The following RAB11FIP3 variants were observed in gnomAD, a reference collection of about 807,000 sequenced individuals.
RAB11FIP3 encodes the protein RAB11 family interacting protein 3, also known as rab11 family-interacting protein 3.
In RAB11FIP3, 17 loss-of-function variants were observed where a neutral mutation model predicts 77.8. That is an observed-to-expected ratio of 0.22 (90% CI 0.15 to 0.33). RAB11FIP3 has a LOEUF of 0.33. Ranked by LOEUF, RAB11FIP3 falls within the 10% of genes least tolerant of loss-of-function variation. The probability of loss-of-function intolerance (pLI) is 1.00; values close to 1 mark genes in which losing one functional copy is unlikely to be tolerated. For synonymous variants in RAB11FIP3, 437 were observed against 448.2 expected, an observed-to-expected ratio of 0.98 and a Z score of 0.31; for missense variants, 1,005 against 1,011.2, an observed-to-expected ratio of 0.99 and a Z score of 0.08.
At chr16:495,258 G>A (rs547204936) in intron 5 of RAB11FIP3, among the ~76,000 whole-genome samples, 3 of 152,130 alleles carry the variant, frequency 2.0e-5, no homozygotes, top group Admixed American at 1.3e-4. Context: ...CACAGGAGCA[G>A]CCGCCACCCA....
chr16:519,106 T>C, intron 10 of RAB11FIP3, 82 bp downstream of exon 10: 8 of 1,434,744 alleles, frequency 5.6e-6, no homozygotes, highest in Non-Finnish European at 7.8e-6. Flanking sequence ...AGCCCTGAGC[T>C]CTGTGCTGAG....
In RAB11FIP3 at chr16:426,086, C is replaced by T. The variant is rs554293301; in HGVS notation, c.80C>T (p.Pro27Leu). The T allele has an allele frequency of 2.0e-6, 2 of 1,003,204 alleles. No individual in the cohort carries two copies. The highest frequency in any genetic ancestry group is 1.2e-6 in the Non-Finnish European group (1 of 843,386). The allele number at this position is 1,003,204 out of a possible 1,614,324, so 62.1% of individuals were successfully genotyped here. A position where few individuals can be genotyped will look rare whatever the true frequency, so the allele number is the denominator to read the frequency against. ...CCGGAGCCGGGCGGGCCGGACGGGCCGGGGGCGGCACAACTGGCTCCGGGC... is the reference window on the plus strand; with the variant it reads ...CCGGAGCCGGGCGGGCCGGACGGGCTGGGGGCGGCACAACTGGCTCCGGGC... ...PDPEPGGPDG[P>L]GAAQLAPGPA... Residue 27 changes from proline to leucine, a missense_variant, in exon 1 of 14, where the codon CCG (proline) becomes CTG (leucine). Transcript: ENST00000262305. This position sits in a 1 kb window ranked among gnomAD's most constrained non-coding sequence, Gnocchi z 5.0.
intron 1 of RAB11FIP3, among the ~76,000 whole-genome samples, chr16:436,003 G>C (rs937873635): frequency 6.6e-6 from 1 of 152,078 alleles, no homozygotes; most frequent in African/African-American, 2.4e-5. Flanking sequence ...GCTTCTTGGA[G>C]AAGGAAAAAA....
At chr16:439,858 T>C (rs2055195342) in intron 1 of RAB11FIP3, among the ~76,000 whole-genome samples, 1 of 152,034 alleles carries the variant, frequency 6.6e-6, no homozygotes, top group African/African-American at 2.4e-5. Flanking sequence ...TTCTTTTTTT[T>C]TTTTGAGACG....
intron 2 of RAB11FIP3, among the ~76,000 whole-genome samples, chr16:463,194 G>T (rs1341475698): frequency 6.6e-6 from 1 of 152,108 alleles, no homozygotes; most frequent in Non-Finnish European, 1.5e-5. Flanking sequence ...GCCAGGCGGT[G>T]TAGGGGTGAC....
chr16:503,299 A>T (rs570384167), intron 7 of RAB11FIP3, among the ~76,000 whole-genome samples: 1 of 152,322 alleles, frequency 6.6e-6, no homozygotes, highest in South Asian at 2.1e-4. Flanking sequence ...TGTGAGAAAA[A>T]GGAGTCTTCC....
Position 472,448 on chromosome 16 carries a change from G to A in RAB11FIP3, c.903+1059G>A, listed in dbSNP as rs768231335. 2.0e-5 allele frequency among the ~76,000 whole-genome samples: 3 copies of A among 152,202 alleles called. No homozygotes were observed. Among genetic ancestry groups the A allele is most frequent in the Middle Eastern group, 3.2e-3 (1 of 316 alleles). Reference sequence around the variant, plus strand: ...GCAGTGAGGTGCTGGCTAAGAGGGCGTGTGGTGGGAGTTGGACCCTCTCGC... The same window carrying A: ...GCAGTGAGGTGCTGGCTAAGAGGGCATGTGGTGGGAGTTGGACCCTCTCGC... On this transcript the variant is annotated intron_variant, in intron 3 of 13. Coordinates refer to ENST00000262305, the MANE Select transcript of RAB11FIP3 (RefSeq NM_014700.4). This position sits in a 1 kb window ranked among gnomAD's most constrained non-coding sequence, Gnocchi z 4.1.
intron 1 of RAB11FIP3, among the ~76,000 whole-genome samples, chr16:455,819 G>C (rs1257847838): frequency 6.6e-6 from 1 of 152,106 alleles, no homozygotes; most frequent in Non-Finnish European, 1.5e-5. Context: ...TGGAACTCTT[G>C]GGCTCAAGTG....
chr16:493,480 T>C (rs1172344780), intron 5 of RAB11FIP3, among the ~76,000 whole-genome samples: 1 of 152,212 alleles, frequency 6.6e-6, no homozygotes, highest in Non-Finnish European at 1.5e-5. Flanking sequence ...GAAGCTTTGA[T>C]GTCAGATACG....
At chr16:501,499 C>T (rs1406459712) in intron 6 of RAB11FIP3, among the ~76,000 whole-genome samples, 2 of 149,460 alleles carry the variant, frequency 1.3e-5, no homozygotes, top group Non-Finnish European at 3.0e-5. Flanking sequence ...GGAGAGGGTC[C>T]CCCCATTTCA....
chr16:444,170 G>A (rs1243041980), intron 1 of RAB11FIP3, among the ~76,000 whole-genome samples: 1 of 152,154 alleles, frequency 6.6e-6, no homozygotes, highest in Non-Finnish European at 1.5e-5. Flanking sequence ...CTGAGTTTCT[G>A]TAGGGTTTCT....
In RAB11FIP3 at chr16:491,008, A is replaced by G. The variant is rs935472586; in HGVS notation, c.1265+2008A>G. On this transcript the variant is annotated intron_variant, in intron 5 of 13. Transcript: ENST00000262305. The stretch of plus-strand genomic sequence containing the variant: ...CAAGAGCCAGAACATTGCACAGCTC[A>G]TTCTCTCTCCACGTGCTTTTGTTCC... 5.0e-5 allele frequency: 44 copies of G among 874,606 alleles called. No homozygotes were observed. In the Admixed American group the frequency reaches 1.4e-3, roughly 28 times the overall value. 54.2% of individuals were successfully genotyped at this position (874,606 alleles called of 1,614,324 possible).
chr16:492,360 T>TCCCGGGAGACCCGAGGCCGCCCAGAGCC lies in RAB11FIP3; in HGVS notation c.1265+3361_1265+3362insCCGGGAGACCCGAGGCCGCCCAGAGCCC. 1.4e-3 allele frequency among the ~76,000 whole-genome samples: 36 copies of TCCCGGGAGACCCGAGGCCGCCCAGAGCC among 25,620 alleles called. 3 individuals carry two copies. The highest frequency in any genetic ancestry group is 1.9e-3 in the Non-Finnish European group (25 of 13,214). The allele number at this position is 25,620 out of a possible 152,430, so 16.8% of individuals were successfully genotyped here. A position where few individuals can be genotyped will look rare whatever the true frequency, so the allele number is the denominator to read the frequency against. On this transcript the variant is annotated intron_variant, in intron 5 of 13. Coordinates refer to ENST00000262305, the MANE Select transcript of RAB11FIP3 (RefSeq NM_014700.4). ...AAGCAGAAGTGCTCTTTGAAGAGGG[T>TCCCGGGAGACCCGAGGCCGCCCAGAGCC]CTTCCCGGGAGACCCGAGGCCGCCC...
chr16:452,906 C>T lies in RAB11FIP3; in HGVS notation c.715-8498C>T, dbSNP rs1347168448. Reference sequence around the variant, plus strand: ...AGTAGTTGGGACTACAGGCGCCCGCCACCACGCCCGGCTAATTTTTTGTAT... The same window carrying T: ...AGTAGTTGGGACTACAGGCGCCCGCTACCACGCCCGGCTAATTTTTTGTAT... On this transcript the variant is annotated intron_variant, in intron 1 of 13. Coordinates refer to ENST00000262305, the MANE Select transcript of RAB11FIP3 (RefSeq NM_014700.4). Among the ~76,000 whole-genome samples the T allele has an allele frequency of 4.5e-5, 3 of 66,206 alleles. 1 individual carries two copies. Among genetic ancestry groups the T allele is most frequent in the Non-Finnish European group, 9.0e-5 (3 of 33,464 alleles). 43.4% of individuals were successfully genotyped at this position (66,206 alleles called of 152,430 possible).
intron 2 of RAB11FIP3, among the ~76,000 whole-genome samples, chr16:469,956 T>C (rs957129644): frequency 3.9e-5 from 6 of 152,204 alleles, no homozygotes; most frequent in Non-Finnish European, 7.3e-5. Flanking sequence ...ACTACAGGTG[T>C]GTCCCACAAT....
intron 1 of RAB11FIP3, among the ~76,000 whole-genome samples, chr16:449,183 A>G (rs770246270): frequency 4.6e-5 from 7 of 151,912 alleles, no homozygotes; most frequent in Non-Finnish European, 7.4e-5. Context: ...ACAGGCACAC[A>G]TCCTCCTCCA....
At chr16:491,757 C>G (rs1322020009) in intron 5 of RAB11FIP3, among the ~76,000 whole-genome samples, 1 of 152,220 alleles carries the variant, frequency 6.6e-6, no homozygotes, top group Non-Finnish European at 1.5e-5. Flanking sequence ...CTCCCAGTTA[C>G]AGAAGACGGT....
At position 505,577 on chromosome 16, in the gene RAB11FIP3, C is replaced by T. The variant is rs1237135668; in HGVS notation, c.1449C>T (p.Thr483=). 8 of 1,606,648 alleles carry T rather than the reference C, an allele frequency of 5.0e-6. No homozygotes were observed. The highest frequency in any genetic ancestry group is 2.2e-5 in the South Asian group (2 of 90,880). Residue 483 remains threonine (T), a synonymous_variant, in exon 8 of 14, where the codon ACC becomes ACT. Transcript: ENST00000262305. The surrounding 1 kb of genome is among the most constrained non-coding windows in gnomAD (Gnocchi z 4.0). ...AGCTGGAAAAGGACACGGCAGCCAC[C>T]GGTGAGCAACACAGCCGCCTGAGGC... is the stretch of plus-strand genomic sequence containing the variant. ...VLELEKDTAA[T]GEQHSRLRQE...
chr16:520,292 G>T lies in RAB11FIP3; in HGVS notation c.2016+15G>T. On this transcript the variant is annotated intron_variant, in intron 12 of 13. Transcript: ENST00000262305. The stretch of plus-strand genomic sequence containing the variant: ...GGCTGAAGCAGGTGGGCAGGCCTGG[G>T]CCTCCCTCCCTCACACTCCTGCAGA... The T allele has an allele frequency of 1.3e-6, 2 of 1,546,238 alleles. No individual in the cohort carries two copies. Among genetic ancestry groups the T allele is most frequent in the Non-Finnish European group, 1.7e-6 (2 of 1,147,800 alleles).
Sources: allele counts gnomAD v4.1 joint callset (sites outside exome capture counted in the v4.1 genomes callset), GRCh38; gene constraint gnomAD v4.1.1; non-coding constraint Gnocchi (gnomAD v3.1); transcripts MANE v1.5; gene names NCBI Gene and HGNC (gene_info 2026-07-23, HGNC 2026-07-21).